PRKAR2A: variants seen among roughly 807,000 people sequenced by gnomAD.
PRKAR2A encodes protein kinase cAMP-dependent type II regulatory subunit alpha.
Under a neutral mutation model 51.9 loss-of-function variants are expected in PRKAR2A, and 29 were observed. That is an observed-to-expected ratio of 0.56 (90% CI 0.42 to 0.76). The LOEUF (loss-of-function observed/expected upper bound fraction) is 0.76. Among genes scored for constraint, PRKAR2A ranks in the 30% least tolerant of loss-of-function variants. The pLI is 0.00. For missense variants in PRKAR2A, 445 were observed against 512.1 expected (o/e 0.87, Z 1.26); for synonymous variants, 178 against 186.2 (o/e 0.96, Z 0.36).
chr3:48,746,181 T>C (rs931058505), downstream of PRKAR2A, among the ~76,000 whole-genome samples: 3 of 151,824 alleles, frequency 2.0e-5, no homozygotes. Context: ...ATCTTGGGAC[T>C]TGCCCACCTC....
At chr3:48,758,277 A>G (rs1301919014) in intron 8 of PRKAR2A, among the ~76,000 whole-genome samples, 1 of 150,098 alleles carries the variant, frequency 6.7e-6, no homozygotes, top group Non-Finnish European at 1.5e-5. Flanking sequence ...AAAGAAAAAA[A>G]GAAAAAAGGA....
At chr3:48,767,998 C>T (rs913435400) in intron 6 of PRKAR2A, among the ~76,000 whole-genome samples, 6 of 150,050 alleles carry the variant, frequency 4.0e-5, no homozygotes, top group Non-Finnish European at 8.9e-5. Context: ...TAAAAAAAAC[C>T]CATACAGGCT....
intron 1 of PRKAR2A, among the ~76,000 whole-genome samples, chr3:48,810,635 A>C (rs1039817858): frequency 6.6e-6 from 1 of 152,138 alleles, no homozygotes; most frequent in African/African-American, 2.4e-5. Context: ...TTAATTTTTT[A>C]AATTAAAAAA....
intron 2 of PRKAR2A, among the ~76,000 whole-genome samples, chr3:48,804,298 T>C (rs553417567): frequency 2.1e-4 from 32 of 152,014 alleles, no homozygotes; most frequent in Middle Eastern, 3.4e-3. Context: ...CTGTCTCCAC[T>C]AAAAATACAA....
At chr3:48,826,837 C>T (rs2083076224) in intron 1 of PRKAR2A, among the ~76,000 whole-genome samples, 1 of 150,740 alleles carries the variant, frequency 6.6e-6, no homozygotes, top group African/African-American at 2.4e-5. Context: ...CACCAAAAAA[C>T]AAACTTAAAA....
At chr3:48,836,462 T>A (rs1304817474) in intron 1 of PRKAR2A, among the ~76,000 whole-genome samples, 20 of 93,224 alleles carry the variant, frequency 2.1e-4, no homozygotes, top group African/African-American at 8.5e-4. Flanking sequence ...AAAGCTTTTT[T>A]AATATATATA....
rs547490018 is a variant in PRKAR2A, at chr3:48,753,727, C to G, written c.940-1410G>C. Among the ~76,000 whole-genome samples, 40 of 152,290 alleles carry G rather than the reference C, an allele frequency of 2.6e-4. No individual in the cohort carries two copies. The South Asian group carries it at 7.7e-3, about 29-fold the overall frequency. ...TCTGGGGAAAAGCCAGGACTCTGAA[C>G]TTCTGACAAACCACCCATCCCCAAT... On this transcript the variant is annotated intron_variant, in intron 9 of 10. Coordinates refer to ENST00000265563, the MANE Select transcript of PRKAR2A (RefSeq NM_004157.4).
In PRKAR2A at chr3:48,756,471, A is replaced by G. The variant is rs765084797; in HGVS notation, c.874-27T>C. 11 of 1,541,974 alleles carry G rather than the reference A, an allele frequency of 7.1e-6. No individual in the cohort carries two copies. In the Admixed American group the frequency reaches 1.8e-4, roughly 26 times the overall value. On this transcript the variant is annotated intron_variant, in intron 8 of 10. Transcript: ENST00000265563. ...TGAAAGAAAAGAGAGGTCAGGTCAG[A>G]GCCATAAGTAGTATTGAAGGGGAAT...
Position 48,808,032 on chromosome 3 carries a change from CTTTT to C in PRKAR2A, c.263-352_263-349del, listed in dbSNP as rs1171188854. Among the ~76,000 whole-genome samples the C allele has an allele frequency of 9.6e-5, 14 of 145,182 alleles. No individual in the cohort carries two copies. The East Asian group carries it at 2.8e-3, about 29-fold the overall frequency. ...TTATGATATAAAGTAGTGAAATTTT[CTTTT>C]TTTCTTTCTTTCTTTTTTTTTTTTT... is the stretch of plus-strand genomic sequence containing the variant. On this transcript the variant is annotated intron_variant, in intron 1 of 10. Coordinates refer to ENST00000265563, the MANE Select transcript of PRKAR2A (RefSeq NM_004157.4).
At chr3:48,845,231 G>A (rs1319966600) in intron 1 of PRKAR2A, among the ~76,000 whole-genome samples, 1 of 152,168 alleles carries the variant, frequency 6.6e-6, no homozygotes, top group African/African-American at 2.4e-5. Flanking sequence ...AGACCACAAA[G>A]CAAACCTGTG....
chr3:48,763,376 T>A (rs766915353), intron 8 of PRKAR2A, among the ~76,000 whole-genome samples: 17 of 152,138 alleles, frequency 1.1e-4, no homozygotes, highest in South Asian at 8.3e-4. Context: ...TGAAGATAGA[T>A]AGCACTCTAT....
chr3:48,812,597 G>C (rs543408764), intron 1 of PRKAR2A, among the ~76,000 whole-genome samples: 3 of 150,894 alleles, frequency 2.0e-5, no homozygotes, highest in African/African-American at 4.9e-5. Flanking sequence ...ATTCTCCTGC[G>C]TCAGCCTCCT....
intron 2 of PRKAR2A, among the ~76,000 whole-genome samples, chr3:48,798,943 A>G (rs1366665016): frequency 6.6e-6 from 1 of 152,120 alleles, no homozygotes; most frequent in East Asian, 1.9e-4. Flanking sequence ...TTACAGGCGT[A>G]AGCCCTCGTG....
intron 8 of PRKAR2A, among the ~76,000 whole-genome samples, chr3:48,761,898 C>T (rs1034236472): frequency 1.3e-5 from 2 of 152,198 alleles, no homozygotes; most frequent in Non-Finnish European, 2.9e-5. Context: ...GCTGGGATTA[C>T]AGGCGTGAGC....
intron 4 of PRKAR2A, among the ~76,000 whole-genome samples, chr3:48,788,672 AT>A: frequency 6.6e-6 from 1 of 152,260 alleles, no homozygotes; most frequent in African/African-American, 2.4e-5. Context: ...TAGTTCCCCT[AT>A]AAAGGAAACC....
In PRKAR2A at chr3:48,790,582, C is replaced by T; in HGVS notation, c.397G>A (p.Ala133Thr). ...TTGAAAAGGAGAATATCTTTGCAAGCTTCCTGAAGTCTGCATCTCTGTTCA... is the reference window on the plus strand; with the variant it reads ...TTGAAAAGGAGAATATCTTTGCAAGTTTCCTGAAGTCTGCATCTCTGTTCA... ...TDEQRCRLQE[A>T]CKDILLFKNL... Residue 133 changes from alanine (A) to threonine (T), a missense_variant, in exon 4 of 11, where the codon GCT becomes ACT. Ala to Thr is a moderately conservative substitution (Grantham distance 58). Coordinates refer to ENST00000265563, the MANE Select transcript of PRKAR2A (RefSeq NM_004157.4). 6.5e-7 allele frequency: 1 copy of T among 1,542,024 alleles called. No individual in the cohort carries two copies. Among genetic ancestry groups the T allele is most frequent in the Non-Finnish European group, 8.7e-7 (1 of 1,146,400 alleles).
At chr3:48,824,326 C>T (rs1220510334) in intron 1 of PRKAR2A, among the ~76,000 whole-genome samples, 3 of 151,512 alleles carry the variant, frequency 2.0e-5, no homozygotes, top group Admixed American at 6.6e-5. Context: ...GCCCAGGAGG[C>T]AGAGGTTGCA....
At chr3:48,827,855 T>C (rs2083095488) in intron 1 of PRKAR2A, among the ~76,000 whole-genome samples, 1 of 152,268 alleles carries the variant, frequency 6.6e-6, no homozygotes, top group Non-Finnish European at 1.5e-5. Context: ...TTTTACTTTA[T>C]AAACCTTAAT....
At chr3:48,808,016 A>G (rs2082701287) in intron 1 of PRKAR2A, among the ~76,000 whole-genome samples, 1 of 151,926 alleles carries the variant, frequency 6.6e-6, no homozygotes, top group African/African-American at 2.4e-5. Flanking sequence ...GTTATGATAT[A>G]AAGTAGTGAA....
Sources: allele counts gnomAD v4.1 joint callset (sites outside exome capture counted in the v4.1 genomes callset), GRCh38; gene constraint gnomAD v4.1.1; transcripts MANE v1.5; gene names NCBI Gene and HGNC (gene_info 2026-07-23, HGNC 2026-07-21).